Variants in GDPD1 observed in about 807,000 individuals in gnomAD.
GDPD1 encodes lysophospholipase D GDPD1.
In GDPD1, 28 loss-of-function variants were observed where a neutral mutation model predicts 45.1. That is an observed-to-expected ratio of 0.62 (90% confidence interval 0.46 to 0.85). The LOEUF is 0.85. GDPD1 is among the 40% of genes least tolerant of loss of function. The pLI is 0.00. For missense variants in GDPD1, 256 were observed against 364.8 expected, an observed-to-expected ratio of 0.70 and a Z score of 2.43; for synonymous variants, 139 against 131.4, an observed-to-expected ratio of 1.06 and a Z score of -0.40.
intron 2 of GDPD1, among the ~76,000 whole-genome samples, chr17:59,243,309 C>T (rs925008344): frequency 2.0e-5 from 3 of 152,084 alleles, no homozygotes; most frequent in Admixed American, 6.6e-5. Flanking sequence ...AGTTTGAGAC[C>T]AGCCTGGCCA....
chr17:59,274,093 C>A lies in GDPD1; in HGVS notation c.*320C>A. 1 of 754,306 alleles carries A rather than the reference C, an allele frequency of 1.3e-6. No homozygotes were observed. Among genetic ancestry groups the A allele is most frequent in the Non-Finnish European group, 1.6e-6 (1 of 619,844 alleles). The allele number at this position is 754,306 out of a possible 1,614,324, so 46.7% of individuals were successfully genotyped here. On this transcript the variant is annotated 3_prime_UTR_variant, in exon 10 of 10. Coordinates refer to ENST00000284116, the MANE Select transcript of GDPD1 (RefSeq NM_182569.4). ...AATAACATACACAGAAATGTACATA[C>A]TACATCATCTACAGAAATCTTGATC...
chr17:59,250,888 C>T (rs907906704), intron 4 of GDPD1, among the ~76,000 whole-genome samples: 2 of 151,924 alleles, frequency 1.3e-5, no homozygotes, highest in African/African-American at 2.4e-5. Flanking sequence ...TTAGTAGAGA[C>T]GAGGTTTCAC....
intron 2 of GDPD1, among the ~76,000 whole-genome samples, chr17:59,236,032 A>G (rs1361782639): frequency 6.6e-6 from 1 of 152,186 alleles, no homozygotes; most frequent in Non-Finnish European, 1.5e-5. Flanking sequence ...GGTCATACAT[A>G]TAACTTGAGA....
At chr17:59,226,157 G>C in intron 1 of GDPD1, among the ~76,000 whole-genome samples, 1 of 152,004 alleles carries the variant, frequency 6.6e-6, no homozygotes, top group East Asian at 1.9e-4. Context: ...TTGCTCTTTG[G>C]TACAAGTGGT....
intron 6 of GDPD1, among the ~76,000 whole-genome samples, chr17:59,258,513 A>G (rs2047327126): frequency 6.6e-6 from 1 of 152,136 alleles, no homozygotes; most frequent in African/African-American, 2.4e-5. Flanking sequence ...ACTGCACTCC[A>G]GTCTGGGCAA....
At chr17:59,233,448 C>CT (rs1369717339) in intron 1 of GDPD1, among the ~76,000 whole-genome samples, 2 of 141,408 alleles carry the variant, frequency 1.4e-5, no homozygotes, top group Non-Finnish European at 3.0e-5. Context: ...GGAGGCGGAG[C>CT]TTGCAGTGAG....
chr17:59,246,742 TAAGAAAAA>T (rs1364814399), intron 3 of GDPD1, among the ~76,000 whole-genome samples: 1 of 116,814 alleles, frequency 8.6e-6, no homozygotes, highest in African/African-American at 3.4e-5. Flanking sequence ...AGAAACATTA[TAAGAAAAA>T]AAGAAAAAAA....
intron 1 of GDPD1, among the ~76,000 whole-genome samples, chr17:59,231,000 C>T (rs2047084907): frequency 6.6e-6 from 1 of 152,172 alleles, no homozygotes; most frequent in African/African-American, 2.4e-5. Flanking sequence ...AGCTTCCTTC[C>T]TCACTGTCTT....
intron 3 of GDPD1, 32 bp downstream of exon 3, chr17:59,245,581 AATAG>A (rs770268700): frequency 9.7e-6 from 15 of 1,553,854 alleles, no homozygotes; most frequent in Non-Finnish European, 1.2e-5. Context: ...ACTAATATCT[AATAG>A]ATGTCGCGGC....
intron 2 of GDPD1, among the ~76,000 whole-genome samples, chr17:59,236,633 T>C (rs1410411357): frequency 2.0e-5 from 3 of 152,084 alleles, no homozygotes; most frequent in Non-Finnish European, 4.4e-5. Flanking sequence ...ATACCTGGGA[T>C]TAGAGGTGCC....
intron 7 of GDPD1, among the ~76,000 whole-genome samples, chr17:59,267,676 T>C (rs186041496): frequency 1.3e-5 from 2 of 151,568 alleles, no homozygotes; most frequent in African/African-American, 2.4e-5. Context: ...GTTTTTTGTT[T>C]TTTTTTTTTT....
At chr17:59,225,090 C>CTTTTTTTTTTTTTT (rs796851725) in intron 1 of GDPD1, among the ~76,000 whole-genome samples, 1 of 113,678 alleles carries the variant, frequency 8.8e-6, no homozygotes, top group Non-Finnish European at 1.7e-5. Context: ...TCTTTCTTTT[C>CTTTTTTTTTTTTTT]TTTTTTTTTT....
chr17:59,256,824 CATA>C (rs2047312993), intron 4 of GDPD1, among the ~76,000 whole-genome samples: 1 of 152,212 alleles, frequency 6.6e-6, no homozygotes, highest in African/African-American at 2.4e-5. Flanking sequence ...AAATCATAAT[CATA>C]AGCACAGTAA....
chr17:59,255,700 A>G lies in GDPD1; in HGVS notation c.368-1422A>G, dbSNP rs2047291117. Among the ~76,000 whole-genome samples the G allele has an allele frequency of 5.2e-5, 7 of 134,110 alleles. No individual in the cohort carries two copies. In the South Asian group the frequency reaches 1.7e-3, roughly 32 times the overall value. 88.0% of individuals were successfully genotyped at this position (134,110 alleles called of 152,430 possible). The stretch of plus-strand genomic sequence containing the variant: ...GGAGGTTGCTGTGAGCCGAGATCGC[A>G]CTATCGCACTCCAGCCTGGGCAACA... On this transcript the variant is annotated intron_variant, in intron 4 of 9. Transcript: ENST00000284116.
In GDPD1 at chr17:59,273,348, G is replaced by A. The variant is rs201441197; in HGVS notation, c.823-303G>A. On this transcript the variant is annotated intron_variant, in intron 9 of 9. Transcript: ENST00000284116. ...TTGCCATGTTGGCCAGGCTGATCTC[G>A]AACTCCGGACCTCAGGTGATCTGCC... 1.7e-4 allele frequency among the ~76,000 whole-genome samples: 26 copies of A among 152,086 alleles called. No individual in the cohort carries two copies. The East Asian group carries it at 4.5e-3, about 26-fold the overall frequency.
intron 3 of GDPD1, 145 bp from the exon 4 acceptor site, chr17:59,248,594 GT>G (rs1248378319): frequency 1.3e-5 from 7 of 558,796 alleles, no homozygotes; most frequent in African/African-American, 5.7e-5. Context: ...TTAATTTGCT[GT>G]TGGGGATGTT....
At chr17:59,230,012 T>C (rs958764740) in intron 1 of GDPD1, among the ~76,000 whole-genome samples, 3 of 152,154 alleles carry the variant, frequency 2.0e-5, no homozygotes, top group Admixed American at 6.6e-5. Flanking sequence ...GGTATAAAGA[T>C]GTGAAAATAT....
intron 4 of GDPD1, among the ~76,000 whole-genome samples, chr17:59,251,409 C>CT (rs1349975179): frequency 6.6e-6 from 1 of 151,940 alleles, no homozygotes. Flanking sequence ...ATCCCAGCTA[C>CT]TTGGGAGGCT....
At chr17:59,267,769 A>G (rs1034834421) in intron 7 of GDPD1, among the ~76,000 whole-genome samples, 44 of 151,370 alleles carry the variant, frequency 2.9e-4, no homozygotes, top group Non-Finnish European at 5.2e-4. Context: ...TCCCGGGTTC[A>G]AGTGATTCTC....
Sources: gnomAD v4.1 joint callset for allele counts (sites outside exome capture counted in the v4.1 genomes callset) on GRCh38, gnomAD v4.1.1 for gene constraint, MANE v1.5 for transcripts, NCBI Gene and HGNC (gene_info 2026-07-23, HGNC 2026-07-21) for gene names.